Variants in TAOK1 observed in about 807,000 individuals in gnomAD.
TAOK1 encodes TAO kinase 1.
A neutral mutation model predicts 138.3 loss-of-function variants in TAOK1; 21 were observed. That is an observed-to-expected ratio of 0.15 (90% confidence interval 0.11 to 0.22). TAOK1 has a LOEUF of 0.22. TAOK1 is among the 10% of genes least tolerant of loss of function. The probability of loss-of-function intolerance (pLI) is 1.00; values close to 1 mark genes in which losing one functional copy is unlikely to be tolerated. For missense variants in TAOK1, 651 were observed against 1,227.7 expected, an observed-to-expected ratio of 0.53 and a Z score of 7.02; for synonymous variants, 361 against 398.4, an observed-to-expected ratio of 0.91 and a Z score of 1.12.
intron 13 of TAOK1, among the ~76,000 whole-genome samples, chr17:29,504,620 A>AGT (rs1567737708): frequency 1.3e-5 from 2 of 152,124 alleles, no homozygotes; most frequent in Non-Finnish European, 2.9e-5. Context: ...GAGTGAGCTG[A>AGT]GATCGCACTA....
intron 7 of TAOK1, 122 bp from the exon 8 acceptor site, chr17:29,482,075 T>G: frequency 1.6e-6 from 1 of 645,052 alleles, no homozygotes; most frequent in Non-Finnish European, 2.6e-6. Flanking sequence ...TAAAAATTCT[T>G]ATGTCCAGAT....
intron 1 of TAOK1, among the ~76,000 whole-genome samples, chr17:29,422,124 C>G (rs1219453533): frequency 1.3e-5 from 2 of 152,106 alleles, no homozygotes; most frequent in Non-Finnish European, 2.9e-5. Flanking sequence ...GTCTCAATCT[C>G]CTGACCTCGT....
At position 29,543,001 on chromosome 17, in the gene TAOK1, G is replaced by A; in HGVS notation, c.2985G>A (p.Gly995=). The A allele has an allele frequency of 6.2e-7, 1 of 1,601,266 alleles. No homozygotes were observed. The highest frequency in any genetic ancestry group is 8.5e-7 in the Non-Finnish European group (1 of 1,172,304). ...STSVTSQISN[G]SHMSYT is the part of the protein sequence containing the mutation. ...GTGTCACTTCACAAATATCCAATGG[G>A]TCACACATGTCTTATACATAACTTA... The change falls in exon 20 of 20, where the codon GGG becomes GGA. Residue 995 remains glycine (G), a synonymous_variant. Transcript: ENST00000261716.
intron 19 of TAOK1, 94 bp from the exon 20 acceptor site, chr17:29,542,467 A>G (rs2032333642): frequency 9.0e-7 from 1 of 1,108,668 alleles, no homozygotes; most frequent in Admixed American, 2.7e-5. Context: ...ACATCCATAA[A>G]ATAACCACTT....
intron 1 of TAOK1, among the ~76,000 whole-genome samples, chr17:29,424,104 G>T (rs573315631): frequency 1.4e-3 from 215 of 150,486 alleles, no homozygotes; most frequent in Non-Finnish European, 2.3e-3. Context: ...GGTGTATTTT[G>T]GTTGTTCTGT....
At chr17:29,407,960 T>A (rs1305645605) in intron 1 of TAOK1, among the ~76,000 whole-genome samples, 2 of 151,736 alleles carry the variant, frequency 1.3e-5, no homozygotes, top group Non-Finnish European at 2.9e-5. Context: ...ACTCTTGGGC[T>A]TAAGTGATCC....
chr17:29,473,593 T>C (rs1465780008), intron 3 of TAOK1, among the ~76,000 whole-genome samples: 1 of 134,244 alleles, frequency 7.4e-6, no homozygotes, highest in Non-Finnish European at 1.6e-5. Context: ...AGTGAAACTC[T>C]CAAAAAAAAA....
chr17:29,411,993 CTTCCTTCCTTCCTTCT>C (rs926972998), intron 1 of TAOK1, among the ~76,000 whole-genome samples: 13 of 151,286 alleles, frequency 8.6e-5, no homozygotes, highest in African/African-American at 3.2e-4. Context: ...CTTGCTTTTC[CTTCCTTCCTTCCTTCT>C]TTCCTTCCTT....
chr17:29,447,598 G>A (rs889559451), intron 1 of TAOK1, among the ~76,000 whole-genome samples: 6 of 151,932 alleles, frequency 3.9e-5, no homozygotes, highest in South Asian at 2.1e-4. Flanking sequence ...CGTGGCCTCC[G>A]AAAGTGTTGG....
In TAOK1 at chr17:29,551,015, A is replaced by G. The variant is rs1338096898; in HGVS notation, c.*7993A>G. The G allele has an allele frequency of 6.6e-6, 1 of 152,404 alleles. No homozygotes were observed. Among genetic ancestry groups the G allele is most frequent in the Non-Finnish European group, 1.5e-5 (1 of 68,014 alleles). 9.4% of individuals were successfully genotyped at this position (152,404 alleles called of 1,614,324 possible). A position where few individuals can be genotyped will look rare whatever the true frequency, so the allele number is the denominator to read the frequency against. On this transcript the variant is annotated 3_prime_UTR_variant, in exon 20 of 20. Transcript: ENST00000261716. ...ATTGCTTTTTTATTTAAAAAAAAAA[A>G]GAAAAAAAGCTGTAACCTTATCATT...
chr17:29,403,011 AT>A (rs1328650596), intron 1 of TAOK1, among the ~76,000 whole-genome samples: 4 of 151,766 alleles, frequency 2.6e-5, no homozygotes, highest in Non-Finnish European at 5.9e-5. Context: ...AAAAAACAAA[AT>A]TAGCCGTGCA....
At chr17:29,434,323 G>A (rs924165531) in intron 1 of TAOK1, among the ~76,000 whole-genome samples, 1 of 152,134 alleles carries the variant, frequency 6.6e-6, no homozygotes, top group African/African-American at 2.4e-5. Context: ...AGAGAGAACT[G>A]AGGAGAAAGG....
At position 29,477,748 on chromosome 17, in the gene TAOK1, T is replaced by C. The variant is rs756875995; in HGVS notation, c.352+42T>C. The C allele has an allele frequency of 4.1e-6, 5 of 1,214,216 alleles. No homozygotes were observed. In the African/African-American group the frequency reaches 7.9e-5, roughly 19 times the overall value. The allele number at this position is 1,214,216 out of a possible 1,614,324, so 75.2% of individuals were successfully genotyped here. ...TATTTTTTAAAAAGTATTCACAGAA[T>C]AAAATGATAATTTAGACATTATTTA... is the stretch of plus-strand genomic sequence containing the variant. On this transcript the variant is annotated intron_variant, in intron 5 of 19. Coordinates refer to ENST00000261716, the MANE Select transcript of TAOK1 (RefSeq NM_020791.4).
chr17:29,458,843 C>A (rs192151173), intron 2 of TAOK1, among the ~76,000 whole-genome samples: 372 of 152,194 alleles, frequency 2.4e-3, no homozygotes, highest in Non-Finnish European at 4.5e-3. Context: ...TATAGGCGTG[C>A]GCCACCACGC....
Position 29,507,879 on chromosome 17 carries a change from A to T in TAOK1, c.1339-17A>T. On this transcript the variant is annotated splice_polypyrimidine_tract_variant and intron_variant, in intron 13 of 19. Transcript: ENST00000261716. The stretch of plus-strand genomic sequence containing the variant: ...TGTTTTATTTTCTTCTTTTCCTTAC[A>T]TTATTTGTATGTCTAGGTTACGAGG... 6.2e-7 allele frequency: 1 copy of T among 1,600,974 alleles called. No homozygotes were observed. The highest frequency in any genetic ancestry group is 1.3e-5 in the African/African-American group (1 of 74,336).
chr17:29,475,539 A>G, intron 3 of TAOK1, 131 bp from the exon 4 acceptor site: 1 of 630,910 alleles, frequency 1.6e-6, no homozygotes, highest in Non-Finnish European at 2.7e-6. Context: ...GACCCTCCCA[A>G]TAAATAAGTA....
chr17:29,447,495 T>C (rs1464332718), intron 1 of TAOK1, among the ~76,000 whole-genome samples: 1 of 151,734 alleles, frequency 6.6e-6, no homozygotes, highest in Non-Finnish European at 1.5e-5. Context: ...TATACCTGGC[T>C]AATTTTTGTA....
At chr17:29,517,147 C>T (rs542171504) in intron 15 of TAOK1, among the ~76,000 whole-genome samples, 5 of 152,144 alleles carry the variant, frequency 3.3e-5, no homozygotes, top group East Asian at 1.9e-4. Context: ...CCACCATGCC[C>T]GGCTAATTTT....
At chr17:29,534,086 C>CTTT in intron 18 of TAOK1, 32 bp from the exon 19 acceptor site, 1 of 1,454,978 alleles carries the variant, frequency 6.9e-7, no homozygotes. Context: ...TAGGATATAT[C>CTTT]TTTTTTTTTT....
Sources: gnomAD v4.1 joint callset for allele counts (sites outside exome capture counted in the v4.1 genomes callset) on GRCh38, gnomAD v4.1.1 for gene constraint, MANE v1.5 for transcripts, NCBI Gene and HGNC (gene_info 2026-07-23, HGNC 2026-07-21) for gene names.